Variants in H2BW2 observed in about 807,000 individuals in gnomAD.
H2BW2 encodes histone H2B type F-M.
In H2BW2, 8 loss-of-function variants were observed where a neutral mutation model predicts 9.2. That is an observed-to-expected ratio of 0.87 (90% CI 0.51 to 1.57). The LOEUF is 1.57. H2BW2 is among the 40% of genes most tolerant of loss of function. H2BW2 has a pLI of 0.00. For missense variants in H2BW2, 193 were observed against 137.3 expected (o/e 1.41, Z -2.03); for synonymous variants, 80 against 56.8 (o/e 1.41, Z -1.84).
intron 2 of H2BW2, 92 bp from the exon 3 acceptor site, chrX:104,040,996 A>G (rs1602467356): frequency 2.6e-6 from 2 of 780,368 alleles, no homozygotes; most frequent in Admixed American, 3.6e-5. Context: ...TCAAGAATCC[A>G]TTCGTTTTCC....
intron 1 of H2BW2, 34 bp downstream of exon 1, chrX:104,040,438 G>T: frequency 9.2e-7 from 1 of 1,082,221 alleles, no homozygotes; most frequent in Non-Finnish European, 1.2e-6. Flanking sequence ...TCTCAGGAGC[G>T]CCTGAGCACC....
chrX:104,040,128 G>T lies in H2BW2; in HGVS notation c.134G>T (p.Arg45Leu). 8.5e-7 allele frequency: 1 copy of T among 1,176,669 alleles called. No individual in the cohort carries two copies. Among genetic ancestry groups the T allele is most frequent in the Non-Finnish European group, 1.1e-6 (1 of 878,292 alleles). ...GGCTCCCGCAGGCGCCACGCCAACC[G>T]CCGTGGGGACAGCTTCGGGGACAGC... ...CRGSRRRHAN[R>L]RGDSFGDSFT... The change falls in exon 1 of 4, where the codon CGC (arginine) becomes CTC (leucine). Residue 45 changes from arginine to leucine, a missense_variant. Arg to Leu is a moderately radical substitution (Grantham distance 102). Coordinates refer to ENST00000675318, the MANE Select transcript of H2BW2 (RefSeq NM_001388464.1).
At position 104,040,200 on chromosome X, in the gene H2BW2, T is replaced by C. The variant is rs782814091; in HGVS notation, c.206T>C (p.Leu69Pro). 8.4e-7 allele frequency: 1 copy of C among 1,192,731 alleles called. No individual in the cohort carries two copies. The highest frequency in any genetic ancestry group is 1.8e-5 in the South Asian group (1 of 54,154). ...GTGCTGAAGCAGGTTCACCAGGGCC[T>C]CAGCCTTTCCCAGGAGGCCGTGAGT... is the stretch of plus-strand genomic sequence containing the variant. ...PRVLKQVHQGLSLSQEAVSVM... is the reference protein window; with the variant it reads ...PRVLKQVHQGPSLSQEAVSVM... The change falls in exon 1 of 4, where the codon CTC becomes CCC. Residue 69 changes from leucine to proline, a missense_variant. Leu to Pro is a moderately conservative substitution (Grantham distance 98). Coordinates refer to ENST00000675318, the MANE Select transcript of H2BW2 (RefSeq NM_001388464.1).
In H2BW2 at chrX:104,042,113, T is replaced by A. The variant is rs1395972498; in HGVS notation, c.*43T>A. 4 of 112,564 alleles carry A rather than the reference T, an allele frequency of 3.6e-5. No homozygotes were observed. Among genetic ancestry groups the A allele is most frequent in the African/African-American group, 1.3e-4 (4 of 30,902 alleles). The allele number at this position is 112,564 out of a possible 1,213,427, so 9.3% of individuals were successfully genotyped here. On this transcript the variant is annotated splice_region_variant and 3_prime_UTR_variant, in exon 4 of 4. Transcript: ENST00000675318. ...ATCTGTTACTTTCTGTTTTTCCAGA[T>A]TATTAGAAAAATATTACAGAAATAG...
chrX:104,040,101 G>A lies in H2BW2; in HGVS notation c.107G>A (p.Arg36Gln), dbSNP rs192764452. 3.6e-3 allele frequency: 4,197 copies of A among 1,165,827 alleles called. 4 individuals carry two copies. The highest frequency in any genetic ancestry group is 7.2e-3 in the East Asian group (223 of 30,805). ...KAQKQKRRGC[R>Q]GSRRRHANRR... ...CAGAAGCAGAAGAGGCGAGGGTGCC[G>A]AGGCTCCCGCAGGCGCCACGCCAAC... Residue 36 changes from arginine (R) to glutamine (Q), a missense_variant, in exon 1 of 4, where the codon CGA (arginine) becomes CAA (glutamine). Arg to Gln is a conservative substitution (Grantham distance 43, BLOSUM62 1). Transcript: ENST00000675318.
intron 1 of H2BW2, 110 bp downstream of exon 1, chrX:104,040,514 G>C (rs2075199879): frequency 1.3e-6 from 1 of 753,215 alleles, no homozygotes; most frequent in Admixed American, 3.9e-5. Flanking sequence ...GCCCGCCAAG[G>C]GGGGGACCCC....
rs1556343739 is a variant in H2BW2 at position 104,040,159 on chromosome X, C to T, written c.165C>T (p.Thr55=). 3 of 1,186,131 alleles carry T rather than the reference C, an allele frequency of 2.5e-6. No homozygotes were observed. The South Asian group carries it at 5.6e-5, about 22-fold the overall frequency. ...RRGDSFGDSF[T]PYFPRVLKQV... ...GGGACAGCTTCGGGGACAGCTTCAC[C>T]CCCTATTTCCCCCGGGTGCTGAAGC... is the stretch of plus-strand genomic sequence containing the variant. The change falls in exon 1 of 4, where the codon ACC becomes ACT. Residue 55 remains threonine (T), a synonymous_variant. Transcript: ENST00000675318.
chrX:104,041,121 G>T lies in H2BW2; in HGVS notation c.*41+15G>T. ...CTTACTTCCAGGTGTGTGTCAGTAG[G>T]ATTACGGAGTGTCCACGGAAACAGC... On this transcript the variant is annotated intron_variant, in intron 3 of 3. Transcript: ENST00000675318. 2.5e-6 allele frequency: 1 copy of T among 404,196 alleles called. No homozygotes were observed. The highest frequency in any genetic ancestry group is 3.4e-5 in the South Asian group (1 of 29,077). The allele number at this position is 404,196 out of a possible 1,213,427, so 33.3% of individuals were successfully genotyped here. A position where few individuals can be genotyped will look rare whatever the true frequency, so the allele number is the denominator to read the frequency against.
intron 3 of H2BW2, 165 bp downstream of exon 3, chrX:104,041,271 C>T: frequency 6.5e-6 from 1 of 152,731 alleles, no homozygotes; most frequent in South Asian, 2.0e-4. Flanking sequence ...TATATTCAAC[C>T]TGGTGTTTAA....
chrX:104,040,821 T>G lies in H2BW2; in HGVS notation c.411-7T>G. On this transcript the variant is annotated splice_polypyrimidine_tract_variant and splice_region_variant and intron_variant, in intron 1 of 3. Coordinates refer to ENST00000675318, the MANE Select transcript of H2BW2 (RefSeq NM_001388464.1). ...TTCTCCTACGACTGGATGGTGGGAT[T>G]TTCCAGAACTTCATTATGTGCGATA... 1.2e-6 allele frequency: 1 copy of G among 816,222 alleles called. No individual in the cohort carries two copies. Among genetic ancestry groups the G allele is most frequent in the African/African-American group, 2.0e-5 (1 of 49,861 alleles). 67.3% of individuals were successfully genotyped at this position (816,222 alleles called of 1,213,427 possible).
chrX:104,040,460 A>C, intron 1 of H2BW2, 56 bp downstream of exon 1: 1 of 1,030,252 alleles, frequency 9.7e-7, no homozygotes, highest in Non-Finnish European at 1.3e-6. Flanking sequence ...GGGAAACCCA[A>C]AGGCTCTATT....
At position 104,042,236 on chromosome X, in the gene H2BW2, A is replaced by G. The variant is rs1414746109; in HGVS notation, c.*166A>G. The G allele has an allele frequency of 1.8e-5, 2 of 112,570 alleles. No homozygotes were observed. The highest frequency in any genetic ancestry group is 3.7e-5 in the Non-Finnish European group (2 of 53,350). 9.3% of individuals were successfully genotyped at this position (112,570 alleles called of 1,213,427 possible). A position where few individuals can be genotyped will look rare whatever the true frequency, so the allele number is the denominator to read the frequency against. On this transcript the variant is annotated 3_prime_UTR_variant, in exon 4 of 4. Coordinates refer to ENST00000675318, the MANE Select transcript of H2BW2 (RefSeq NM_001388464.1). ...ATCAGCTGCAAGTAAATCCTTCTGG[A>G]TGGTGCCACCAAATGTTCCTACAAG...
chrX:104,042,086 G>T (rs1323030337), intron 3 of H2BW2, 26 bp from the exon 4 acceptor site: 1 of 112,289 alleles, frequency 8.9e-6, no homozygotes, highest in African/African-American at 3.2e-5. Context: ...CCACTCATTG[G>T]GATCTGTTAC....
chrX:104,041,027 C>T lies in H2BW2; in HGVS notation c.*23-61C>T, dbSNP rs191074006. The T allele has an allele frequency of 8.3e-4, 466 of 560,237 alleles. 1 individual carries two copies. In the African/African-American group the frequency reaches 9.3e-3, roughly 11 times the overall value. The allele number at this position is 560,237 out of a possible 1,213,427, so 46.2% of individuals were successfully genotyped here. On this transcript the variant is annotated intron_variant, in intron 2 of 3. Transcript: ENST00000675318. ...TTTCCAGCTTCCCCGACTCTGAGAC[C>T]ACTATTGTAATTCATTCTCTTTTTG...
In H2BW2 at chrX:104,041,097, T is replaced by C; in HGVS notation, c.*32T>C. On this transcript the variant is annotated 3_prime_UTR_variant, in exon 3 of 4. Coordinates refer to ENST00000675318, the MANE Select transcript of H2BW2 (RefSeq NM_001388464.1). Reference sequence around the variant, plus strand: ...ATTTCTTTTTGAACAGAAACCTTCCTTACTTCCAGGTGTGTGTCAGTAGGA... The same window carrying C: ...ATTTCTTTTTGAACAGAAACCTTCCCTACTTCCAGGTGTGTGTCAGTAGGA... 1 of 432,772 alleles carries C rather than the reference T, an allele frequency of 2.3e-6. No individual in the cohort carries two copies. The highest frequency in any genetic ancestry group is 3.6e-5 in the Admixed American group (1 of 27,627). The allele number at this position is 432,772 out of a possible 1,213,427, so 35.7% of individuals were successfully genotyped here. A position where few individuals can be genotyped will look rare whatever the true frequency, so the allele number is the denominator to read the frequency against.
At chrX:104,041,181 T>C in intron 3 of H2BW2, 75 bp downstream of exon 3, 2 of 275,454 alleles carry the variant, frequency 7.3e-6, no homozygotes, top group South Asian at 6.7e-5. Context: ...AGCCAATGAG[T>C]GACCTGCAGT....
chrX:104,041,631 C>T (rs782110156), intron 3 of H2BW2: 2 of 111,530 alleles, frequency 1.8e-5, no homozygotes, highest in South Asian at 7.7e-4. Context: ...TCCAGTCGCC[C>T]GAGTATGTGG....
At position 104,040,399 on chromosome X, in the gene H2BW2, C is replaced by G. The variant is rs782282329; in HGVS notation, c.405C>G (p.Ala135=). ...CCGAGGCCCAGGGCACGAATGCCGC[C>G]CTCAGGTACACCAAAAGCAAGTGAG... ...KLAEAQGTNA[A]LRTSLCAIWQ... is the part of the protein sequence containing the mutation. The change falls in exon 1 of 4, where the codon GCC becomes GCG. Residue 135 remains alanine, a synonymous_variant. Transcript: ENST00000675318. The G allele has an allele frequency of 4.4e-5, 50 of 1,145,631 alleles. No individual in the cohort carries two copies. The highest frequency in any genetic ancestry group is 5.2e-5 in the Non-Finnish European group (45 of 862,318). The allele number at this position is 1,145,631 out of a possible 1,213,427, so 94.4% of individuals were successfully genotyped here.
chrX:104,040,265 G>A lies in H2BW2; in HGVS notation c.271G>A (p.Ala91Thr), dbSNP rs782734409. ...GATCCATGACATATTGGACCGCATCGCCACCGAGGCTGGTCAGCTGGCCCA... is the reference window on the plus strand; with the variant it reads ...GATCCATGACATATTGGACCGCATCACCACCGAGGCTGGTCAGCTGGCCCA... ...SMIHDILDRIATEAGQLAHYT... is the reference protein window; with the variant it reads ...SMIHDILDRITTEAGQLAHYT... Residue 91 changes from alanine (A) to threonine (T), a missense_variant, in exon 1 of 4, where the codon GCC (alanine) becomes ACC (threonine). By Grantham distance (58) the Ala-to-Thr change is moderately conservative. Coordinates refer to ENST00000675318, the MANE Select transcript of H2BW2 (RefSeq NM_001388464.1). The A allele has an allele frequency of 2.0e-4, 243 of 1,193,409 alleles. No individual in the cohort carries two copies. The highest frequency in any genetic ancestry group is 2.5e-4 in the Non-Finnish European group (224 of 886,838).
Sources: allele counts gnomAD v4.1 joint callset, GRCh38; gene constraint gnomAD v4.1.1; transcripts MANE v1.5; gene names NCBI Gene and HGNC (gene_info 2026-07-23, HGNC 2026-07-21).